TMEM232: variants seen among roughly 807,000 people sequenced by gnomAD.
TMEM232 encodes transmembrane protein 232.
A neutral mutation model predicts 78.8 loss-of-function variants in TMEM232; 80 were observed. The observed-to-expected ratio is 1.01, with a 90% CI of 0.85 to 1.22. The LOEUF (loss-of-function observed/expected upper bound fraction) is 1.22, where lower values mean the gene tolerates loss of function less well. Ranked by LOEUF, TMEM232 falls within the 50% of genes most tolerant of loss-of-function variation. The probability of loss-of-function intolerance (pLI) is 0.00; values close to 1 mark genes in which losing one functional copy is unlikely to be tolerated. For synonymous variants in TMEM232, 297 were observed against 254.3 expected (o/e 1.17, Z -1.60); for missense variants, 881 against 742.2 (o/e 1.19, Z -2.17).
rs376898101 is a variant in TMEM232, at chr5:110,645,456, C to CAA, written c.126-3087_126-3086dup. Among the ~76,000 whole-genome samples, 35 of 105,732 alleles carry CAA rather than the reference C, an allele frequency of 3.3e-4. No homozygotes were observed. The East Asian group carries it at 4.1e-3, about 12-fold the overall frequency. 69.4% of individuals were successfully genotyped at this position (105,732 alleles called of 152,430 possible). A position where few individuals can be genotyped will look rare whatever the true frequency, so the allele number is the denominator to read the frequency against. ...AAATCAGTGTAATATACCATATTAC[C>CAA]AAAAAAAAAAAAAAGGTCAACTCAA... On this transcript the variant is annotated intron_variant, in intron 2 of 13. Transcript: ENST00000455884.
At chr5:110,455,746 A>G (rs1201401126) in intron 12 of TMEM232, among the ~76,000 whole-genome samples, 1 of 152,222 alleles carries the variant, frequency 6.6e-6, no homozygotes, top group African/African-American at 2.4e-5. Context: ...CACAAAAAGG[A>G]TAACAAATTA....
At chr5:110,389,268 C>CAAACAAACAAACAAACCA (rs6149176) in intron 4 of TMEM232, among the ~76,000 whole-genome samples, 14 of 151,250 alleles carry the variant, frequency 9.3e-5, no homozygotes, top group African/African-American at 2.9e-4. Context: ...CTCAAACAAA[C>CAAACAAACAAACAAACCA]AAACAAAACA....
intron 12 of TMEM232, among the ~76,000 whole-genome samples, chr5:110,453,649 A>G (rs939104718): frequency 3.3e-5 from 5 of 152,160 alleles, no homozygotes; most frequent in African/African-American, 1.2e-4. Flanking sequence ...CAGCAGATGT[A>G]TTTTAGTTTG....
At chr5:110,689,962 T>TTACACCTTATACAAAATTA (rs1793904083) in intron 1 of TMEM232, among the ~76,000 whole-genome samples, 1 of 152,184 alleles carries the variant, frequency 6.6e-6, no homozygotes, top group African/African-American at 2.4e-5. Context: ...GACCCCTTCC[T>TTACACCTTATACAAAATTA]TACACCTTAT....
At position 110,606,299 on chromosome 5, in the gene TMEM232, AT is replaced by A; in HGVS notation, c.903-13del. ...GTACTGAATCCAACCTGAAAATTTTATGGACGAAAGGATAAAGATTTTAATG... is the reference window on the plus strand; with the variant it reads ...GTACTGAATCCAACCTGAAAATTTTAGGACGAAAGGATAAAGATTTTAATG... On this transcript the variant is annotated splice_polypyrimidine_tract_variant and intron_variant, in intron 8 of 13. Transcript: ENST00000455884. 5 of 1,514,168 alleles carry A rather than the reference AT, an allele frequency of 3.3e-6. No individual in the cohort carries two copies. The highest frequency in any genetic ancestry group is 3.5e-6 in the Non-Finnish European group (4 of 1,127,118). The allele number at this position is 1,514,168 out of a possible 1,614,324, so 93.8% of individuals were successfully genotyped here.
At chr5:110,430,935 G>A (rs1235057800) in intron 12 of TMEM232, among the ~76,000 whole-genome samples, 1 of 151,714 alleles carries the variant, frequency 6.6e-6, no homozygotes, top group Non-Finnish European at 1.5e-5. Flanking sequence ...AGTAAGTAAT[G>A]AGCTGCAAAA....
intron 10 of TMEM232, among the ~76,000 whole-genome samples, chr5:110,597,503 G>GA (rs1298384583): frequency 6.6e-6 from 1 of 151,842 alleles, no homozygotes; most frequent in Non-Finnish European, 1.5e-5. Context: ...CACAGAATTG[G>GA]AAAAAACTAC....
intron 12 of TMEM232, among the ~76,000 whole-genome samples, chr5:110,506,920 C>G (rs1766974159): frequency 1.3e-5 from 2 of 151,818 alleles, no homozygotes; most frequent in Non-Finnish European, 2.9e-5. Context: ...TTTCTGTCTT[C>G]CAGCCAAATT....
chr5:110,719,006 TG>T (rs1162344736), intron 1 of TMEM232, among the ~76,000 whole-genome samples: 1 of 152,046 alleles, frequency 6.6e-6, no homozygotes, highest in Non-Finnish European at 1.5e-5. Context: ...AAGGCGATTT[TG>T]CCATTGTGCA....
chr5:110,467,693 G>A (rs989519615), intron 12 of TMEM232, among the ~76,000 whole-genome samples: 1 of 152,140 alleles, frequency 6.6e-6, no homozygotes, highest in South Asian at 2.1e-4. Flanking sequence ...ATTTCTATTA[G>A]TTTGCTAGGA....
intron 1 of TMEM232, among the ~76,000 whole-genome samples, chr5:110,719,508 A>G (rs571732043): frequency 1.8e-4 from 28 of 151,918 alleles, no homozygotes; most frequent in African/African-American, 5.3e-4. Flanking sequence ...CCTCCTGTAT[A>G]TGAGTCACAC....
At chr5:110,535,979 G>C (rs1276059746) in intron 11 of TMEM232, among the ~76,000 whole-genome samples, 1 of 152,216 alleles carries the variant, frequency 6.6e-6, no homozygotes, top group Non-Finnish European at 1.5e-5. Flanking sequence ...AAAACTGAAA[G>C]TACCTGTGGT....
intron 2 of TMEM232, among the ~76,000 whole-genome samples, chr5:110,410,831 T>A (rs1222327754): frequency 6.6e-6 from 1 of 152,174 alleles, no homozygotes; most frequent in African/African-American, 2.4e-5. Flanking sequence ...TGCTTGAATG[T>A]GGAGAAGACA....
At chr5:110,638,563 T>G (rs1786222830) in intron 4 of TMEM232, among the ~76,000 whole-genome samples, 1 of 152,182 alleles carries the variant, frequency 6.6e-6, no homozygotes, top group South Asian at 2.1e-4. Context: ...TGTGACAGTT[T>G]CAACCAATAG....
intron 12 of TMEM232, among the ~76,000 whole-genome samples, chr5:110,487,264 A>G (rs549648395): frequency 6.6e-6 from 1 of 151,880 alleles, no homozygotes; most frequent in Non-Finnish European, 1.5e-5. Flanking sequence ...AAACAGTGAC[A>G]GTTTGACTTC....
intron 12 of TMEM232, among the ~76,000 whole-genome samples, chr5:110,467,847 G>T (rs867681560): frequency 3.3e-5 from 5 of 152,000 alleles, no homozygotes; most frequent in African/African-American, 7.3e-5. Flanking sequence ...ACATCCCAAG[G>T]TTCTTCTATC....
At chr5:110,488,612 C>T (rs1330095264) in intron 12 of TMEM232, among the ~76,000 whole-genome samples, 4 of 151,942 alleles carry the variant, frequency 2.6e-5, no homozygotes, top group Admixed American at 2.6e-4. Context: ...AATTATTAAA[C>T]AGTAAAGTTC....
chr5:110,641,179 T>C (rs2150016489), intron 3 of TMEM232, among the ~76,000 whole-genome samples, 183 bp from the exon 4 acceptor site: 1 of 152,300 alleles, frequency 6.6e-6, no homozygotes, highest in African/African-American at 2.4e-5. Context: ...TTATGCAAAC[T>C]GTATTAGTGT....
At chr5:110,529,412 AT>A (rs951443523) in intron 11 of TMEM232, among the ~76,000 whole-genome samples, 21 of 151,964 alleles carry the variant, frequency 1.4e-4, no homozygotes, top group Non-Finnish European at 2.6e-4. Context: ...CTCCTGGCTA[AT>A]TTTTGTTATT....
Sources: allele counts gnomAD v4.1 joint callset (sites outside exome capture counted in the v4.1 genomes callset), GRCh38; gene constraint gnomAD v4.1.1; transcripts MANE v1.5; gene names NCBI Gene and HGNC (gene_info 2026-07-23, HGNC 2026-07-21).